SLC9A7: variants seen among roughly 807,000 people sequenced by gnomAD.
SLC9A7 encodes the protein sodium/hydrogen exchanger 7.
A neutral mutation model predicts 52.6 loss-of-function variants in SLC9A7; 19 were observed. The observed-to-expected ratio is 0.36, with a 90% CI of 0.25 to 0.53. The LOEUF is 0.53. SLC9A7 is among the 20% of genes least tolerant of loss of function. The pLI is 0.91. For synonymous variants in SLC9A7, 226 were observed against 252.1 expected (o/e 0.90, Z 0.98); for missense variants, 455 against 597.9 (o/e 0.76, Z 2.49).
At chrX:46,718,915 T>A (rs1237941768) in intron 1 of SLC9A7, among the ~76,000 whole-genome samples, 6 of 111,627 alleles carry the variant, frequency 5.4e-5, no homozygotes, top group African/African-American at 1.6e-4. Context: ...TAGAACTAGA[T>A]ATACCATTTG....
chrX:46,680,542 C>T (rs1293476908), intron 2 of SLC9A7, among the ~76,000 whole-genome samples: 1 of 111,010 alleles, frequency 9.0e-6, no homozygotes, highest in African/African-American at 3.3e-5. Flanking sequence ...AAATCAAAGT[C>T]ACCAGTGATG....
At chrX:46,713,272 G>A (rs1322329010) in intron 1 of SLC9A7, among the ~76,000 whole-genome samples, 1 of 110,502 alleles carries the variant, frequency 9.0e-6, no homozygotes, top group African/African-American at 3.3e-5. Context: ...GCCTGAGGCG[G>A]GTGGATCATC....
intron 7 of SLC9A7, among the ~76,000 whole-genome samples, chrX:46,655,414 G>A (rs1602183914): frequency 8.9e-6 from 1 of 112,376 alleles, no homozygotes; most frequent in African/African-American, 3.2e-5. Context: ...CTCCCAGCGT[G>A]AGCAACGCAG....
At chrX:46,691,234 A>G (rs1478947417) in intron 1 of SLC9A7, among the ~76,000 whole-genome samples, 3 of 112,409 alleles carry the variant, frequency 2.7e-5, no homozygotes, top group Non-Finnish European at 5.6e-5. Flanking sequence ...TCCTCCCATG[A>G]GCATGAATAA....
chrX:46,622,493 C>G (rs1943062058), intron 14 of SLC9A7, among the ~76,000 whole-genome samples: 1 of 111,768 alleles, frequency 8.9e-6, no homozygotes, highest in African/African-American at 3.3e-5. Flanking sequence ...TAGAATTTTA[C>G]TAAGGAAAAA....
chrX:46,654,340 AC>A (rs1488770651), intron 7 of SLC9A7, among the ~76,000 whole-genome samples: 1 of 110,755 alleles, frequency 9.0e-6, no homozygotes, highest in Non-Finnish European at 1.9e-5. Context: ...CCAAGATTGC[AC>A]CACTGCACTC....
chrX:46,697,928 CT>C (rs1157289942), intron 1 of SLC9A7, among the ~76,000 whole-genome samples: 40 of 111,455 alleles, frequency 3.6e-4, no homozygotes, highest in African/African-American at 1.1e-3. Flanking sequence ...ACTGGCCCCC[CT>C]GGGCATGGCC....
intron 14 of SLC9A7, among the ~76,000 whole-genome samples, chrX:46,629,218 T>C (rs1188288210): frequency 9.0e-6 from 1 of 111,167 alleles, no homozygotes; most frequent in Non-Finnish European, 1.9e-5. Context: ...TGCCAGCCCG[T>C]TCACAACACC....
At chrX:46,651,854 GA>G (rs747259653) in intron 8 of SLC9A7, among the ~76,000 whole-genome samples, 1 of 78,691 alleles carries the variant, frequency 1.3e-5, no homozygotes, top group Non-Finnish European at 2.7e-5. Flanking sequence ...AAAAGAAAAA[GA>G]AAAAAAAGAA....
intron 7 of SLC9A7, among the ~76,000 whole-genome samples, chrX:46,657,826 C>T (rs1371079897): frequency 9.3e-6 from 1 of 107,642 alleles, no homozygotes; most frequent in Non-Finnish European, 1.9e-5. Flanking sequence ...GACAGAAAGT[C>T]AACAAGGATA....
intron 1 of SLC9A7, among the ~76,000 whole-genome samples, chrX:46,734,406 A>T (rs1945090400): frequency 8.9e-6 from 1 of 112,501 alleles, no homozygotes; most frequent in Non-Finnish European, 1.9e-5. Context: ...TCATAATGTC[A>T]TCAGGAAGAT....
chrX:46,753,044 C>A (rs1556289286), intron 1 of SLC9A7, among the ~76,000 whole-genome samples: 1 of 112,063 alleles, frequency 8.9e-6, no homozygotes, highest in Non-Finnish European at 1.9e-5. Context: ...TTATAACTTT[C>A]AAATAATAAG....
intron 1 of SLC9A7, among the ~76,000 whole-genome samples, chrX:46,694,388 A>G (rs1348603218): frequency 1.8e-5 from 2 of 111,778 alleles, no homozygotes; most frequent in South Asian, 3.7e-4. Flanking sequence ...ATATAAATAT[A>G]TAACTCCATA....
chrX:46,606,177 C>T lies in SLC9A7; in HGVS notation c.*775G>A. 1 of 713,119 alleles carries T rather than the reference C, an allele frequency of 1.4e-6. No individual in the cohort carries two copies. The highest frequency in any genetic ancestry group is 1.7e-6 in the Non-Finnish European group (1 of 602,106). 58.8% of individuals were successfully genotyped at this position (713,119 alleles called of 1,213,427 possible). A position where few individuals can be genotyped will look rare whatever the true frequency, so the allele number is the denominator to read the frequency against. On this transcript the variant is annotated 3_prime_UTR_variant, in exon 17 of 17. Transcript: ENST00000616978. ...CTCAACAAAAAAAAAAAGTTGAATG[C>T]TTTTTGCAGTGATACCATCATCAGT... is the stretch of plus-strand genomic sequence containing the variant.
At chrX:46,737,651 T>C (rs193277405) in intron 1 of SLC9A7, among the ~76,000 whole-genome samples, 15 of 112,053 alleles carry the variant, frequency 1.3e-4, no homozygotes, top group East Asian at 2.8e-4. Context: ...GACTGGATAT[T>C]TGAAATACTG....
At chrX:46,631,141 T>C (rs1386840365) in intron 14 of SLC9A7, among the ~76,000 whole-genome samples, 2 of 112,501 alleles carry the variant, frequency 1.8e-5, no homozygotes, top group South Asian at 3.6e-4. Context: ...CCTTTCCAAA[T>C]TGCTCACCTA....
chrX:46,729,354 T>C (rs918253461), intron 1 of SLC9A7, among the ~76,000 whole-genome samples: 16 of 112,550 alleles, frequency 1.4e-4, no homozygotes, highest in African/African-American at 5.2e-4. Flanking sequence ...AATTGTTTGG[T>C]GCATTAACAT....
chrX:46,631,493 T>C (rs1943220884), intron 14 of SLC9A7, 93 bp downstream of exon 14: 2 of 688,931 alleles, frequency 2.9e-6, no homozygotes, highest in Admixed American at 5.2e-5. Context: ...AAGGCTGTTG[T>C]CAGGATCACA....
chrX:46,686,030 AGGGTTTAT>A (rs1944289862), intron 1 of SLC9A7, among the ~76,000 whole-genome samples: 1 of 112,271 alleles, frequency 8.9e-6, no homozygotes, highest in Non-Finnish European at 1.9e-5. Flanking sequence ...CTAACAAGAG[AGGGTTTAT>A]ATTTGTAGAC....
Sources: allele counts gnomAD v4.1 joint callset (sites outside exome capture counted in the v4.1 genomes callset), GRCh38; gene constraint gnomAD v4.1.1; transcripts MANE v1.5; gene names NCBI Gene and HGNC (gene_info 2026-07-23, HGNC 2026-07-21).